Variants in TNS1 observed in about 807,000 individuals in gnomAD.
TNS1 encodes tensin 1.
Under a neutral mutation model 168.6 loss-of-function variants are expected in TNS1, and 62 were observed. That is an observed-to-expected ratio of 0.37 (90% CI 0.30 to 0.45). The LOEUF is 0.45. Ranked by LOEUF, TNS1 falls within the 20% of genes least tolerant of loss-of-function variation. The pLI, the probability that TNS1 is intolerant of heterozygous loss-of-function variation, is 1.00. For synonymous variants in TNS1, 934 were observed against 933.2 expected, an observed-to-expected ratio of 1.00 and a Z score of -0.02; for missense variants, 2,240 against 2,339.4, an observed-to-expected ratio of 0.96 and a Z score of 0.88.
chr2:217,899,791 T>C lies in TNS1; in HGVS notation c.371+672A>G, dbSNP rs947054532. Among the ~76,000 whole-genome samples, 8 of 152,244 alleles carry C rather than the reference T, an allele frequency of 5.3e-5. No individual in the cohort carries two copies. The South Asian group carries it at 6.2e-4, about 12-fold the overall frequency. ...GCCCAGGTCTAAGGGAAGGAGGGGA[T>C]CCTCTAAGGAGCCACCTCCAGTCTG... On this transcript the variant is annotated intron_variant, in intron 7 of 32. Coordinates refer to ENST00000682258, the MANE Select transcript of TNS1 (RefSeq NM_001387777.1).
At chr2:217,997,453 C>T (rs1252825556) in intron 1 of TNS1, among the ~76,000 whole-genome samples, 2 of 152,200 alleles carry the variant, frequency 1.3e-5, no homozygotes, top group Admixed American at 6.5e-5. Flanking sequence ...CTTTCTGACA[C>T]TGATGTTTCT....
At chr2:218,015,650 A>C (rs1958751414) in intron 1 of TNS1, among the ~76,000 whole-genome samples, 1 of 148,466 alleles carries the variant, frequency 6.7e-6, no homozygotes, top group Non-Finnish European at 1.5e-5. Flanking sequence ...TCCCACCCCC[A>C]CCCCCCTTTA....
intron 3 of TNS1, among the ~76,000 whole-genome samples, chr2:217,923,892 T>C (rs1955868591): frequency 6.6e-6 from 1 of 152,102 alleles, no homozygotes; most frequent in South Asian, 2.1e-4. Flanking sequence ...TGCCTGGCAC[T>C]CGTCAGCCCC....
At chr2:217,809,235 G>A (rs1407381024) in intron 30 of TNS1, among the ~76,000 whole-genome samples, 789 of 73,774 alleles carry the variant, frequency 0.011, 75 homozygotes, top group African/African-American at 0.042. Flanking sequence ...ATGGATGGAT[G>A]GATGGATGGA....
At chr2:217,854,866 C>T (rs1021338458) in intron 18 of TNS1, among the ~76,000 whole-genome samples, 4 of 152,154 alleles carry the variant, frequency 2.6e-5, no homozygotes, top group African/African-American at 9.7e-5. Context: ...GCCTTCCCAC[C>T]CCACCTCGGC....
chr2:217,956,098 G>GCT (rs1251557345), intron 3 of TNS1, among the ~76,000 whole-genome samples: 1 of 152,110 alleles, frequency 6.6e-6, no homozygotes. Context: ...AGAGAAAGGG[G>GCT]CTCCCCCACC....
upstream of TNS1, among the ~76,000 whole-genome samples, chr2:218,011,060 G>A (rs972126228): frequency 1.3e-5 from 2 of 152,238 alleles, no homozygotes; most frequent in African/African-American, 4.8e-5. Context: ...CTGCCTGGGA[G>A]AGAGGAGAGC....
At chr2:217,831,568 G>A in intron 21 of TNS1, 21 bp from the exon 22 acceptor site, 1 of 1,455,870 alleles carries the variant, frequency 6.9e-7, no homozygotes, top group Non-Finnish European at 9.1e-7. Flanking sequence ...AAGAAGAGGG[G>A]AGACACAGGG....
In TNS1 at chr2:217,893,400, G is replaced by GCGCGCACA. The variant is rs58297965; in HGVS notation, c.717+38_717+39insTGTGCGCG. The GCGCGCACA allele has an allele frequency of 3.8e-4, 551 of 1,462,156 alleles. No homozygotes were observed. In the African/African-American group the frequency reaches 4.6e-3, roughly 12 times the overall value. 90.6% of individuals were successfully genotyped at this position (1,462,156 alleles called of 1,614,324 possible). On this transcript the variant is annotated intron_variant, in intron 10 of 32. Coordinates refer to ENST00000682258, the MANE Select transcript of TNS1 (RefSeq NM_001387777.1). ...CACACATGTGCGCATGTGCGCGCGCGCACACACACACACACACACACACAC... is the reference window on the plus strand; with the variant it reads ...CACACATGTGCGCATGTGCGCGCGCGCGCGCACACACACACACACACACACACACACAC...
intron 18 of TNS1, chr2:217,859,729 C>T (rs540660626): frequency 4.0e-6 from 6 of 1,516,992 alleles, no homozygotes; most frequent in Middle Eastern, 1.7e-4. Context: ...AGCAGAGTAT[C>T]ACTTTTCAGA....
chr2:217,900,619 T>G, intron 6 of TNS1, 107 bp from the exon 7 acceptor site: 1 of 1,253,438 alleles, frequency 8.0e-7, no homozygotes, highest in East Asian at 2.6e-5. Context: ...CTTCTTTCCT[T>G]GCCAACATTC....
rs112779285 is a variant in TNS1 at position 217,817,865 on chromosome 2, G to A, written c.4467C>T (p.Ala1489=). 3.7e-6 allele frequency: 6 copies of A among 1,614,100 alleles called. No homozygotes were observed. The African/African-American group carries it at 5.3e-5, about 14-fold the overall frequency. Residue 1489 remains alanine (A), a synonymous_variant, in exon 24 of 33, where the codon GCC becomes GCT. Coordinates refer to ENST00000682258, the MANE Select transcript of TNS1 (RefSeq NM_001387777.1). Reference sequence around the variant, plus strand: ...CTGACATCCTTCGCTTCTCTGGCAAGGCTGGTGTTGGGCTCCCTTGCCGGA... The same window carrying A: ...CTGACATCCTTCGCTTCTCTGGCAAAGCTGGTGTTGGGCTCCCTTGCCGGA... ...AAFRQGSPTP[A]LPEKRRMSVG...
intron 18 of TNS1, chr2:217,858,633 CA>C (rs1300496696): frequency 1.1e-6 from 1 of 931,456 alleles, no homozygotes. Flanking sequence ...CTCCGACTGT[CA>C]GGGGTGGGAG....
At chr2:217,847,448 C>T (rs905755900) in intron 19 of TNS1, 62 bp downstream of exon 19, 5 of 1,360,218 alleles carry the variant, frequency 3.7e-6, no homozygotes, top group Middle Eastern at 2.0e-4. Context: ...TGGACCTGCA[C>T]CTCCCCCCAG....
intron 4 of TNS1, among the ~76,000 whole-genome samples, chr2:217,914,502 T>G (rs543804307): frequency 2.0e-5 from 3 of 152,162 alleles, no homozygotes; most frequent in Admixed American, 6.5e-5. Context: ...ATGTTTTGGG[T>G]TTTTTTGTTT....
At chr2:217,980,272 C>A (rs1958009391) in intron 2 of TNS1, among the ~76,000 whole-genome samples, 2 of 152,146 alleles carry the variant, frequency 1.3e-5, no homozygotes, top group African/African-American at 4.8e-5. Context: ...GACATACTCC[C>A]CACTCAGCCA....
intron 18 of TNS1, among the ~76,000 whole-genome samples, chr2:217,864,529 A>G (rs989234850): frequency 2.0e-5 from 3 of 152,204 alleles, no homozygotes; most frequent in Non-Finnish European, 4.4e-5. Context: ...AAGAAAGGAG[A>G]TGGAGGAGGC....
upstream of TNS1, among the ~76,000 whole-genome samples, chr2:218,011,068 A>G (rs919225952): frequency 6.6e-6 from 1 of 152,106 alleles, no homozygotes; most frequent in Non-Finnish European, 1.5e-5. Context: ...GAGAGAGGAG[A>G]GCTGGACCAG....
intron 1 of TNS1, among the ~76,000 whole-genome samples, chr2:218,017,810 A>G (rs1456381491): frequency 6.6e-6 from 1 of 152,188 alleles, no homozygotes; most frequent in Non-Finnish European, 1.5e-5. Flanking sequence ...CTACTGAACA[A>G]TATCTCAACC....
Sources: gnomAD v4.1 joint callset for allele counts (sites outside exome capture counted in the v4.1 genomes callset) on GRCh38, gnomAD v4.1.1 for gene constraint, MANE v1.5 for transcripts, NCBI Gene and HGNC (gene_info 2026-07-23, HGNC 2026-07-21) for gene names.